The following VTI1A variants were observed in gnomAD, a reference collection of about 807,000 sequenced individuals.
VTI1A encodes the protein vesicle transport through interaction with t-SNAREs 1A.
VTI1A carries 22 observed loss-of-function variants against 34.9 expected under a neutral mutation model. The observed-to-expected ratio is 0.63, with a 90% CI of 0.45 to 0.90. The LOEUF (loss-of-function observed/expected upper bound fraction) is 0.90, where lower values mean the gene tolerates loss of function less well. Ranked by LOEUF, VTI1A falls within the 40% of genes least tolerant of loss-of-function variation. The pLI, the probability that VTI1A is intolerant of heterozygous loss-of-function variation, is 0.00. For missense variants in VTI1A, 268 were observed against 275.6 expected, an observed-to-expected ratio of 0.97 and a Z score of 0.20; for synonymous variants, 87 against 97.3, an observed-to-expected ratio of 0.89 and a Z score of 0.62.
At chr10:112,475,881 A>G (rs1428460583) in intron 3 of VTI1A, among the ~76,000 whole-genome samples, 1 of 152,182 alleles carries the variant, frequency 6.6e-6, no homozygotes, top group Non-Finnish European at 1.5e-5. Flanking sequence ...CCTCATGAAT[A>G]AAATATTTCT....
At chr10:112,561,668 A>G (rs1851729581) in intron 5 of VTI1A, among the ~76,000 whole-genome samples, 1 of 152,214 alleles carries the variant, frequency 6.6e-6, no homozygotes, top group Non-Finnish European at 1.5e-5. Context: ...ATATTTTAAC[A>G]TGGTTTTCTG....
the VTI1A span, among the ~76,000 whole-genome samples, chr10:112,835,194 C>G: frequency 1.3e-5 from 2 of 152,302 alleles, no homozygotes; most frequent in Admixed American, 1.3e-4. Context: ...TGGATGGCAG[C>G]CACACCCTGA....
intron 7 of VTI1A, among the ~76,000 whole-genome samples, chr10:112,792,385 G>A (rs143083052): frequency 2.0e-5 from 3 of 152,074 alleles, no homozygotes; most frequent in Non-Finnish European, 2.9e-5. Flanking sequence ...GGAAATGGGG[G>A]CCCAGAAGCA....
chr10:112,803,315 G>A (rs1034060440), intron 7 of VTI1A, among the ~76,000 whole-genome samples: 3 of 152,256 alleles, frequency 2.0e-5, no homozygotes, highest in East Asian at 3.9e-4. Flanking sequence ...TGATCCACCC[G>A]CCTTGGCCTC....
chr10:112,556,440 G>A (rs1851547506), intron 5 of VTI1A, among the ~76,000 whole-genome samples: 1 of 151,878 alleles, frequency 6.6e-6, no homozygotes, highest in Non-Finnish European at 1.5e-5. Context: ...TATCAGTTTG[G>A]CCTTGTTATG....
In VTI1A at chr10:112,815,500, T is replaced by A; in HGVS notation, c.*117T>A. The A allele has an allele frequency of 1.2e-6, 1 of 839,360 alleles. No homozygotes were observed. The highest frequency in any genetic ancestry group is 2.0e-6 in the Non-Finnish European group (1 of 504,214). The allele number at this position is 839,360 out of a possible 1,614,324, so 52.0% of individuals were successfully genotyped here. A position where few individuals can be genotyped will look rare whatever the true frequency, so the allele number is the denominator to read the frequency against. On this transcript the variant is annotated 3_prime_UTR_variant, in exon 8 of 8. Transcript: ENST00000393077. ...GGCCCCAGGTGACCCTCTCTCTCCC[T>A]CACCGCCGTTGGGCTGAAGTGCAAA... is the stretch of plus-strand genomic sequence containing the variant.
intron 5 of VTI1A, among the ~76,000 whole-genome samples, chr10:112,640,536 G>GA (rs895650894): frequency 1.3e-5 from 2 of 151,670 alleles, no homozygotes; most frequent in East Asian, 2.0e-4. Context: ...AACAATCTGG[G>GA]AAAAAAAACA....
In VTI1A at chr10:112,511,024, AAAT is replaced by A. The variant is rs1418508001; in HGVS notation, c.265-16062_265-16060del. ...ATCTCAGACATTAGTTACTTGTTGAAAATTAGCTTACCAGGGACCTTTGCCCCC... is the reference window on the plus strand; with the variant it reads ...ATCTCAGACATTAGTTACTTGTTGAATAGCTTACCAGGGACCTTTGCCCCC... On this transcript the variant is annotated intron_variant, in intron 3 of 7. Coordinates refer to ENST00000393077, the MANE Select transcript of VTI1A (RefSeq NM_145206.4). 3.3e-5 allele frequency among the ~76,000 whole-genome samples: 5 copies of A among 152,286 alleles called. No individual in the cohort carries two copies. In the East Asian group the frequency reaches 7.7e-4, roughly 24 times the overall value.
intron 3 of VTI1A, among the ~76,000 whole-genome samples, chr10:112,516,841 A>G (rs921071841): frequency 6.6e-6 from 1 of 152,068 alleles, no homozygotes; most frequent in Admixed American, 6.6e-5. Flanking sequence ...TACCATGTGC[A>G]TGGTTATACT....
chr10:112,850,967 C>T, the VTI1A span, among the ~76,000 whole-genome samples: 1 of 152,128 alleles, frequency 6.6e-6, no homozygotes, highest in African/African-American at 2.4e-5. Flanking sequence ...TCTCTTATGC[C>T]CTAGTGTGTC....
At chr10:112,550,151 G>A (rs987899938) in intron 5 of VTI1A, among the ~76,000 whole-genome samples, 1 of 152,158 alleles carries the variant, frequency 6.6e-6, no homozygotes, top group African/African-American at 2.4e-5. Context: ...TAAGATACAC[G>A]TGGAGCCATT....
intron 3 of VTI1A, 56 bp downstream of exon 3, chr10:112,464,713 T>C: frequency 1.4e-6 from 2 of 1,463,284 alleles, no homozygotes; most frequent in Non-Finnish European, 1.9e-6. Flanking sequence ...TGTTTCCTCC[T>C]CATGCCTCAG....
intron 5 of VTI1A, among the ~76,000 whole-genome samples, chr10:112,567,316 A>G (rs1209761382): frequency 6.6e-6 from 1 of 152,188 alleles, no homozygotes; most frequent in Non-Finnish European, 1.5e-5. Context: ...GGTGTGAACC[A>G]CTGCGCCGGC....
chr10:112,602,606 T>C (rs1368736329), intron 5 of VTI1A, among the ~76,000 whole-genome samples: 1 of 152,252 alleles, frequency 6.6e-6, no homozygotes, highest in Non-Finnish European at 1.5e-5. Context: ...GTTTTTAATA[T>C]ACAAATATTG....
intron 7 of VTI1A, among the ~76,000 whole-genome samples, chr10:112,708,704 A>G (rs571935045): frequency 6.6e-6 from 1 of 152,356 alleles, no homozygotes; most frequent in South Asian, 2.1e-4. Flanking sequence ...GAATATTTCA[A>G]ATATTTCACC....
intron 7 of VTI1A, among the ~76,000 whole-genome samples, chr10:112,776,234 C>T (rs1387979149): frequency 6.6e-6 from 1 of 152,146 alleles, no homozygotes; most frequent in Non-Finnish European, 1.5e-5. Flanking sequence ...CGCGCTGCAC[C>T]GTGTTAGTGC....
chr10:112,841,425 C>T, the VTI1A span, among the ~76,000 whole-genome samples: 8 of 152,190 alleles, frequency 5.3e-5, no homozygotes, highest in African/African-American at 1.4e-4. Flanking sequence ...GCCCTGAGTC[C>T]AGAGAAACTC....
chr10:112,727,906 G>T (rs1850098047), intron 7 of VTI1A, among the ~76,000 whole-genome samples: 2 of 152,020 alleles, frequency 1.3e-5, no homozygotes, highest in Non-Finnish European at 2.9e-5. Flanking sequence ...TAAAAACTGG[G>T]CTTGTAGAAA....
chr10:112,519,445 G>A (rs201752524), intron 3 of VTI1A, among the ~76,000 whole-genome samples: 1 of 152,068 alleles, frequency 6.6e-6, no homozygotes, highest in African/African-American at 2.4e-5. Context: ...TATCACCCTC[G>A]ATCTTGATTG....
Sources: allele counts gnomAD v4.1 joint callset (sites outside exome capture counted in the v4.1 genomes callset), GRCh38; gene constraint gnomAD v4.1.1; transcripts MANE v1.5; gene names NCBI Gene and HGNC (gene_info 2026-07-23, HGNC 2026-07-21).